Variants in CNTNAP5 observed in about 807,000 individuals in gnomAD.
CNTNAP5 encodes contactin-associated protein-like 5.
CNTNAP5 carries 72 observed loss-of-function variants against 150.2 expected under a neutral mutation model. The observed-to-expected ratio is 0.48, with a 90% CI of 0.40 to 0.58. The LOEUF is 0.58. CNTNAP5 is among the 20% of genes least tolerant of loss of function. The pLI is 0.00. For missense variants in CNTNAP5, 1,636 were observed against 1,626.2 expected (o/e 1.01, Z -0.10); for synonymous variants, 672 against 619.8 (o/e 1.08, Z -1.25).
chr2:124,478,591 A>G (rs952665205), intron 7 of CNTNAP5, among the ~76,000 whole-genome samples: 2 of 152,104 alleles, frequency 1.3e-5, no homozygotes, highest in Admixed American at 1.3e-4. Flanking sequence ...ACGAGAAGCA[A>G]TGGTTTGCAC....
chr2:124,144,622 C>T lies in CNTNAP5; in HGVS notation c.83-77083C>T, dbSNP rs1427476120. Among the ~76,000 whole-genome samples, 91 of 126,556 alleles carry T rather than the reference C, an allele frequency of 7.2e-4. No individual in the cohort carries two copies. In the Middle Eastern group the frequency reaches 0.012, roughly 17 times the overall value. 83.0% of individuals were successfully genotyped at this position (126,556 alleles called of 152,430 possible). On this transcript the variant is annotated intron_variant, in intron 1 of 23. Coordinates refer to ENST00000682447, the MANE Select transcript of CNTNAP5 (RefSeq NM_001367498.1). ...AAGCTGAAACTGGATCCCTTCCTTA[C>T]ACGTTATACAAAAATCAATTCAAGA...
At chr2:124,259,443 A>G (rs1365101987) in intron 3 of CNTNAP5, among the ~76,000 whole-genome samples, 1 of 152,186 alleles carries the variant, frequency 6.6e-6, no homozygotes, top group Non-Finnish European at 1.5e-5. Flanking sequence ...ACTGACTTCC[A>G]CAATGGTTGA....
chr2:124,599,629 T>G (rs1202935806), intron 11 of CNTNAP5, among the ~76,000 whole-genome samples: 1 of 152,194 alleles, frequency 6.6e-6, no homozygotes, highest in African/African-American at 2.4e-5. Context: ...TTTGGAGAAA[T>G]AGAAGTACCA....
At chr2:124,688,865 G>A (rs1679245939) in intron 13 of CNTNAP5, among the ~76,000 whole-genome samples, 1 of 152,088 alleles carries the variant, frequency 6.6e-6, no homozygotes, top group Non-Finnish European at 1.5e-5. Context: ...CTATTAAAAT[G>A]TATTATGAAT....
At chr2:124,225,885 G>A (rs1303211663) in intron 2 of CNTNAP5, among the ~76,000 whole-genome samples, 1 of 152,098 alleles carries the variant, frequency 6.6e-6, no homozygotes, top group African/African-American at 2.4e-5. Flanking sequence ...TTGTCTTTCT[G>A]TGCCTGGATA....
chr2:124,221,455 T>C (rs1251344485), intron 1 of CNTNAP5, among the ~76,000 whole-genome samples: 1 of 152,120 alleles, frequency 6.6e-6, no homozygotes, highest in Non-Finnish European at 1.5e-5. Flanking sequence ...TTTTCTAGCA[T>C]TGAGACCTTG....
Position 124,221,716 on chromosome 2 carries a change from G to T in CNTNAP5, c.94G>T (p.Asp32Tyr). 1 of 1,608,338 alleles carries T rather than the reference G, an allele frequency of 6.2e-7. No homozygotes were observed. Among genetic ancestry groups the T allele is most frequent in the Non-Finnish European group, 8.5e-7 (1 of 1,176,076 alleles). Reference sequence around the variant, plus strand: ...TCCTATCATTATAGACAACTGTGATGATCCACTAGCATCCCTGCTCTCTCC... The same window carrying T: ...TCCTATCATTATAGACAACTGTGATTATCCACTAGCATCCCTGCTCTCTCC... Reference protein sequence around the residue: ...GLTATNYNCDDPLASLLSPMA... With the variant: ...GLTATNYNCDYPLASLLSPMA... Residue 32 changes from aspartate (D) to tyrosine (Y), a missense_variant, in exon 2 of 24, where the codon GAT becomes TAT. Asp to Tyr is a radical substitution (Grantham distance 160, BLOSUM62 -3). Transcript: ENST00000682447.
chr2:124,230,830 C>G (rs1019936881), intron 2 of CNTNAP5, among the ~76,000 whole-genome samples: 2 of 152,122 alleles, frequency 1.3e-5, no homozygotes, highest in Non-Finnish European at 2.9e-5. Context: ...CTGCGCCCAG[C>G]CTCTAATGTG....
At chr2:124,778,961 C>A (rs537620768) in intron 17 of CNTNAP5, among the ~76,000 whole-genome samples, 2 of 152,272 alleles carry the variant, frequency 1.3e-5, no homozygotes, top group South Asian at 4.1e-4. Context: ...TGCTCCAATT[C>A]GGCTTCCAGT....
At chr2:124,839,439 C>G (rs1057259650) in intron 19 of CNTNAP5, among the ~76,000 whole-genome samples, 2 of 151,626 alleles carry the variant, frequency 1.3e-5, no homozygotes, top group Non-Finnish European at 2.9e-5. Flanking sequence ...CTCTCTCTCT[C>G]TCTCTCTCCC....
intron 13 of CNTNAP5, among the ~76,000 whole-genome samples, chr2:124,648,945 A>G (rs1251439840): frequency 1.3e-5 from 2 of 152,258 alleles, no homozygotes; most frequent in African/African-American, 2.4e-5. Flanking sequence ...AGGGGAAATC[A>G]TAGAAACCTA....
chr2:124,699,995 G>C (rs186034622), intron 13 of CNTNAP5, among the ~76,000 whole-genome samples: 10 of 152,230 alleles, frequency 6.6e-5, no homozygotes, highest in African/African-American at 1.9e-4. Flanking sequence ...GTACTTGTTA[G>C]CAACTTCTCT....
intron 1 of CNTNAP5, among the ~76,000 whole-genome samples, chr2:124,159,343 C>T (rs1316640262): frequency 6.6e-6 from 1 of 152,124 alleles, no homozygotes; most frequent in Non-Finnish European, 1.5e-5. Context: ...CTTTGCAAGC[C>T]ATATGGTGTC....
chr2:124,341,913 T>A (rs542153672), intron 3 of CNTNAP5, among the ~76,000 whole-genome samples: 3 of 152,126 alleles, frequency 2.0e-5, no homozygotes, highest in Admixed American at 1.3e-4. Flanking sequence ...AACTGATAAT[T>A]TTAATTTTAG....
chr2:124,451,045 AAAAAAAATATAT>A (rs1296251905), intron 6 of CNTNAP5, among the ~76,000 whole-genome samples: 2 of 75,314 alleles, frequency 2.7e-5, no homozygotes, highest in African/African-American at 5.3e-5. Flanking sequence ...AAAAAAAAAA[AAAAAAAATATAT>A]ATATATATAT....
intron 1 of CNTNAP5, among the ~76,000 whole-genome samples, chr2:124,176,391 T>C (rs1411807626): frequency 1.3e-5 from 2 of 152,186 alleles, no homozygotes; most frequent in African/African-American, 2.4e-5. Flanking sequence ...GTCCTCCTTC[T>C]AAGGGTCTTG....
intron 10 of CNTNAP5, among the ~76,000 whole-genome samples, chr2:124,550,382 T>C (rs185664438): frequency 1.4e-3 from 212 of 152,260 alleles, no homozygotes; most frequent in African/African-American, 4.9e-3. Context: ...GGAACCTCTG[T>C]ATCAGGGTCT....
At chr2:124,714,671 A>C (rs1679908420) in intron 13 of CNTNAP5, among the ~76,000 whole-genome samples, 1 of 151,732 alleles carries the variant, frequency 6.6e-6, no homozygotes, top group South Asian at 2.1e-4. Context: ...TTTTATAATA[A>C]TACATAACAC....
intron 13 of CNTNAP5, among the ~76,000 whole-genome samples, chr2:124,682,481 C>T (rs1024075693): frequency 3.3e-5 from 5 of 152,076 alleles, no homozygotes; most frequent in Admixed American, 6.6e-5. Context: ...TTTAATGGAA[C>T]GTCAAAAGTT....
Sources: gnomAD v4.1 joint callset for allele counts (sites outside exome capture counted in the v4.1 genomes callset) on GRCh38, gnomAD v4.1.1 for gene constraint, MANE v1.5 for transcripts, NCBI Gene and HGNC (gene_info 2026-07-23, HGNC 2026-07-21) for gene names.